The following PLA2R1 variants were observed in gnomAD, a reference collection of about 807,000 sequenced individuals.
PLA2R1 encodes the protein phospholipase A2 receptor 1.
PLA2R1 carries 158 observed loss-of-function variants against 195.9 expected under a neutral mutation model. The observed-to-expected ratio is 0.81, with a 90% CI of 0.71 to 0.92. The LOEUF (loss-of-function observed/expected upper bound fraction) is 0.92, where lower values mean the gene tolerates loss of function less well. PLA2R1 is among the 40% of genes least tolerant of loss of function. PLA2R1 has a pLI of 0.00. For missense variants in PLA2R1, 1,626 were observed against 1,764.6 expected, an observed-to-expected ratio of 0.92 and a Z score of 1.41; for synonymous variants, 586 against 598.2, an observed-to-expected ratio of 0.98 and a Z score of 0.30.
At chr2:160,058,379 CT>C (rs1489587492) in intron 1 of PLA2R1, among the ~76,000 whole-genome samples, 1 of 152,136 alleles carries the variant, frequency 6.6e-6, no homozygotes, top group Non-Finnish European at 1.5e-5. Flanking sequence ...CCTTTGATCA[CT>C]GGTCATTTAG....
rs1214328249 is a variant in PLA2R1 at position 159,932,183 on chromosome 2, A to G, written c.*9595T>C. 6.6e-6 allele frequency: 1 copy of G among 152,188 alleles called. No individual in the cohort carries two copies. The highest frequency in any genetic ancestry group is 1.5e-5 in the Non-Finnish European group (1 of 68,044). 9.4% of individuals were successfully genotyped at this position (152,188 alleles called of 1,614,324 possible). A position where few individuals can be genotyped will look rare whatever the true frequency, so the allele number is the denominator to read the frequency against. On this transcript the variant is annotated 3_prime_UTR_variant, in exon 30 of 30. Coordinates refer to ENST00000283243, the MANE Select transcript of PLA2R1 (RefSeq NM_007366.5). ...ATCGCAGGGAATTTCTACCTTGAGC[A>G]CCAGTTTCACCAAGCTCTCCAGTCC...
rs1693612835 is a variant in PLA2R1, at chr2:160,027,739, AT to A, written c.1099+478del. ...TTCTGGTACTAGACTGTGATTAGAT[AT>A]TATTTAAGTATTAACTCCATCTAAA... On this transcript the variant is annotated intron_variant, in intron 6 of 29. Coordinates refer to ENST00000283243, the MANE Select transcript of PLA2R1 (RefSeq NM_007366.5). Among the ~76,000 whole-genome samples the A allele has an allele frequency of 2.0e-5, 3 of 152,224 alleles. No individual in the cohort carries two copies. In the South Asian group the frequency reaches 6.2e-4, roughly 32 times the overall value.
chr2:159,983,890 TATTTGACTGTA>T (rs1357640268), intron 13 of PLA2R1, 27 bp downstream of exon 13: 4 of 1,199,826 alleles, frequency 3.3e-6, no homozygotes, highest in Non-Finnish European at 4.9e-6. Flanking sequence ...GGAGATAGAA[TATTTGACTGTA>T]ATTTTTCATA....
chr2:160,037,881 T>C (rs1342682391), intron 3 of PLA2R1, among the ~76,000 whole-genome samples: 1 of 152,224 alleles, frequency 6.6e-6, no homozygotes, highest in African/African-American at 2.4e-5. Flanking sequence ...TGACAAACTG[T>C]AATTATGTAT....
In PLA2R1 at chr2:159,949,618, A is replaced by G. The variant is rs768512145; in HGVS notation, c.3699T>C (p.His1233=). The G allele has an allele frequency of 1.8e-5, 29 of 1,613,456 alleles. No individual in the cohort carries two copies. Among genetic ancestry groups the G allele is most frequent in the Non-Finnish European group, 2.1e-5 (25 of 1,179,532 alleles). The change falls in exon 25 of 30, where the codon CAT becomes CAC. Residue 1233 remains histidine, a synonymous_variant. Transcript: ENST00000283243. ...CESFLQGAIC[H]VPPETRQSEH... The stretch of plus-strand genomic sequence containing the variant: ...TAGAATTGAACCTACCAGGTGGCAC[A>G]TGACAAATGGCACCTTGCAGAAATG...
At position 160,005,806 on chromosome 2, in the gene PLA2R1, A is replaced by G; in HGVS notation, c.1680T>C (p.Phe560=). 6.2e-7 allele frequency: 1 copy of G among 1,612,144 alleles called. No individual in the cohort carries two copies. The highest frequency in any genetic ancestry group is 8.5e-7 in the Non-Finnish European group (1 of 1,178,216). The change falls in exon 11 of 30, where the codon TTT becomes TTC. Residue 560 remains phenylalanine, a synonymous_variant. Transcript: ENST00000283243. ...CCACACTACTGATCAAACTGGTAAT[A>G]AAAGCCTGTTCAAACCTTAAAAGGG... ...VTITNRFEQA[F]ITSLISSVVK...
At chr2:160,048,880 A>G (rs913329163) in intron 1 of PLA2R1, among the ~76,000 whole-genome samples, 8 of 139,850 alleles carry the variant, frequency 5.7e-5, no homozygotes, top group East Asian at 2.1e-4. Context: ...TCGCTCTGTC[A>G]CCCAGGCTGG....
chr2:160,037,682 T>G (rs1195532411), intron 3 of PLA2R1, among the ~76,000 whole-genome samples: 1 of 152,152 alleles, frequency 6.6e-6, no homozygotes, highest in Non-Finnish European at 1.5e-5. Flanking sequence ...CCTCTCCCCT[T>G]CCTTTGCACA....
intron 10 of PLA2R1, among the ~76,000 whole-genome samples, chr2:160,011,957 TGC>T (rs1279501876): frequency 1.9e-5 from 2 of 102,764 alleles, no homozygotes; most frequent in Non-Finnish European, 4.5e-5. Flanking sequence ...TGTGTGTGTG[TGC>T]GTGTGTCTGT....
At chr2:160,016,137 G>A (rs1216246637) in intron 9 of PLA2R1, among the ~76,000 whole-genome samples, 2 of 151,946 alleles carry the variant, frequency 1.3e-5, no homozygotes, top group African/African-American at 2.4e-5. Flanking sequence ...AGTGGCGCAC[G>A]CCTGTAATCC....
chr2:159,955,331 T>C lies in PLA2R1; in HGVS notation c.3169A>G (p.Thr1057Ala), dbSNP rs767299490. 1.3e-6 allele frequency: 2 copies of C among 1,595,892 alleles called. No individual in the cohort carries two copies. Among genetic ancestry groups the C allele is most frequent in the Middle Eastern group, 1.7e-4 (1 of 6,028 alleles). ...FDIINIPSHN[T>A]TEVQKHIPLC... Reference sequence around the variant, plus strand: ...GGAATGTGTTTCTGAACTTCAGTGGTATTGTGACTTGGAATCTTTAAAATA... The same window carrying C: ...GGAATGTGTTTCTGAACTTCAGTGGCATTGTGACTTGGAATCTTTAAAATA... The change falls in exon 23 of 30, where the codon ACC (threonine) becomes GCC (alanine). Residue 1057 changes from threonine to alanine, a missense_variant. Thr to Ala is a moderately conservative substitution (Grantham distance 58). Coordinates refer to ENST00000283243, the MANE Select transcript of PLA2R1 (RefSeq NM_007366.5).
intron 1 of PLA2R1, among the ~76,000 whole-genome samples, chr2:160,055,964 C>T (rs1013163938): frequency 8.5e-5 from 13 of 152,060 alleles, no homozygotes; most frequent in Non-Finnish European, 1.6e-4. Context: ...TGGCAGCTAC[C>T]CCCCTTCCTC....
chr2:159,957,188 AAAGC>A (rs1414072181), intron 20 of PLA2R1, among the ~76,000 whole-genome samples: 1 of 152,176 alleles, frequency 6.6e-6, no homozygotes, highest in Non-Finnish European at 1.5e-5. Context: ...AGTGGGACAG[AAAGC>A]AAGGGTATGA....
rs1696040920 is a variant in PLA2R1 at position 160,062,527 on chromosome 2, C to G, written c.-124G>C. ...GCGGATCCGTAGCCTCCTCCGCGCC[C>G]CACCCCCTCCGGGGGCCTTGCCAGC... On this transcript the variant is annotated 5_prime_UTR_variant, in exon 1 of 30. Transcript: ENST00000283243. 8 of 1,262,642 alleles carry G rather than the reference C, an allele frequency of 6.3e-6. No individual in the cohort carries two copies. 78.2% of individuals were successfully genotyped at this position (1,262,642 alleles called of 1,614,324 possible).
the PLA2R1 span, among the ~76,000 whole-genome samples, chr2:159,925,487 A>G: frequency 3.3e-3 from 501 of 151,546 alleles, 3 homozygotes; most frequent in Middle Eastern, 0.014. Context: ...TTAAAATTCA[A>G]TCTGTTCCCT....
intron 25 of PLA2R1, among the ~76,000 whole-genome samples, chr2:159,947,938 A>G (rs1574646859): frequency 6.6e-6 from 1 of 152,346 alleles, no homozygotes; most frequent in South Asian, 2.1e-4. Context: ...TTCCAAATGT[A>G]TGCATTTCAT....
intron 11 of PLA2R1, among the ~76,000 whole-genome samples, chr2:160,002,681 T>C (rs1374865226): frequency 3.9e-5 from 6 of 152,034 alleles, no homozygotes; most frequent in Non-Finnish European, 8.8e-5. Context: ...CATCAAAATC[T>C]ACAGGATATT....
chr2:159,974,599 G>A (rs1053347987), intron 17 of PLA2R1, among the ~76,000 whole-genome samples: 4 of 152,084 alleles, frequency 2.6e-5, no homozygotes, highest in Admixed American at 1.3e-4. Context: ...TGTATTTTCC[G>A]ACATCATGGT....
intron 3 of PLA2R1, 105 bp downstream of exon 3, chr2:160,041,920 C>A: frequency 1.1e-6 from 1 of 913,418 alleles, no homozygotes; most frequent in East Asian, 2.4e-5. Context: ...GGTTCTTATT[C>A]AGACTTCAAT....
Sources: allele counts gnomAD v4.1 joint callset (sites outside exome capture counted in the v4.1 genomes callset), GRCh38; gene constraint gnomAD v4.1.1; transcripts MANE v1.5; gene names NCBI Gene and HGNC (gene_info 2026-07-23, HGNC 2026-07-21).